The following CTTNBP2NL variants were observed in gnomAD, a reference collection of about 807,000 sequenced individuals.
CTTNBP2NL encodes the protein CTTNBP2 N-terminal like.
CTTNBP2NL carries 16 observed loss-of-function variants against 32.5 expected under a neutral mutation model. That is an observed-to-expected ratio of 0.49 (90% confidence interval 0.33 to 0.75). CTTNBP2NL has a LOEUF of 0.75. Ranked by LOEUF, CTTNBP2NL falls within the 30% of genes least tolerant of loss-of-function variation. CTTNBP2NL has a pLI of 0.02. For synonymous variants in CTTNBP2NL, 298 were observed against 289.4 expected, an observed-to-expected ratio of 1.03 and a Z score of -0.30; for missense variants, 645 against 756.0, an observed-to-expected ratio of 0.85 and a Z score of 1.72.
chr1:112,422,183 G>C (rs527489563), intron 3 of CTTNBP2NL, among the ~76,000 whole-genome samples: 1 of 152,142 alleles, frequency 6.6e-6, no homozygotes, highest in South Asian at 2.1e-4. Context: ...TCTGCTTTCT[G>C]TCATCAGAAA....
At chr1:112,436,654 C>G (rs1478390902) in intron 3 of CTTNBP2NL, among the ~76,000 whole-genome samples, 5 of 30,446 alleles carry the variant, frequency 1.6e-4, no homozygotes, top group Non-Finnish European at 2.6e-4. Flanking sequence ...CCCTTTAGTA[C>G]ACTTTTTTTT....
chr1:112,399,479 G>A (rs193122825), intron 1 of CTTNBP2NL, among the ~76,000 whole-genome samples: 5 of 152,316 alleles, frequency 3.3e-5, no homozygotes, highest in Non-Finnish European at 5.9e-5. Context: ...GTCCCTAAGT[G>A]TAATTATACA....
In CTTNBP2NL at chr1:112,397,429, C is replaced by G. The variant is rs150695943; in HGVS notation, c.-134+1157C>G. Among the ~76,000 whole-genome samples, 949 of 152,180 alleles carry G rather than the reference C, an allele frequency of 6.2e-3. 8 individuals are homozygous for G. Among genetic ancestry groups the G allele is most frequent in the African/African-American group, 0.021 (891 of 41,492 alleles). On this transcript the variant is annotated intron_variant, in intron 1 of 5. Coordinates refer to ENST00000271277, the MANE Select transcript of CTTNBP2NL (RefSeq NM_018704.3). Reference sequence around the variant, plus strand: ...TCTCTAACCCCTTTTTTATAGTGTCCTCCCCGCCCCCAGGAAACATTCATG... The same window carrying G: ...TCTCTAACCCCTTTTTTATAGTGTCGTCCCCGCCCCCAGGAAACATTCATG...
At chr1:112,430,546 CTTTTTTTTTTTTTTT>C (rs552996822) in intron 3 of CTTNBP2NL, among the ~76,000 whole-genome samples, 1 of 80,508 alleles carries the variant, frequency 1.2e-5, no homozygotes, top group Non-Finnish European at 2.2e-5. Context: ...CCATAGCTAG[CTTTTTTTTTTTTTTT>C]TTTTTTTTTG....
intron 3 of CTTNBP2NL, among the ~76,000 whole-genome samples, chr1:112,428,113 A>G (rs1649458002): frequency 6.7e-6 from 1 of 149,576 alleles, no homozygotes; most frequent in Admixed American, 6.6e-5. Flanking sequence ...TCACACACAT[A>G]CACACACATA....
chr1:112,421,631 AGG>A (rs1190846633), intron 3 of CTTNBP2NL, among the ~76,000 whole-genome samples: 1 of 149,686 alleles, frequency 6.7e-6, no homozygotes, highest in Admixed American at 6.6e-5. Context: ...AAAAAAAAAA[AGG>A]AGAAGAAGAA....
At chr1:112,435,587 C>G (rs1350043052) in intron 3 of CTTNBP2NL, among the ~76,000 whole-genome samples, 1 of 152,154 alleles carries the variant, frequency 6.6e-6, no homozygotes, top group East Asian at 1.9e-4. Context: ...AATTTCCATT[C>G]AGTGACATTA....
intron 1 of CTTNBP2NL, among the ~76,000 whole-genome samples, chr1:112,411,512 A>G (rs1037811614): frequency 4.6e-5 from 7 of 152,138 alleles, no homozygotes; most frequent in African/African-American, 1.7e-4. Flanking sequence ...CAATTTGTCT[A>G]CAAGTGGTTT....
At chr1:112,435,713 T>C (rs1179634163) in intron 3 of CTTNBP2NL, among the ~76,000 whole-genome samples, 1 of 152,228 alleles carries the variant, frequency 6.6e-6, no homozygotes, top group Non-Finnish European at 1.5e-5. Context: ...ATATGTACTT[T>C]TGCTCACTAT....
rs527582358 is a variant in CTTNBP2NL, at chr1:112,399,791, G to A, written c.-134+3519G>A. Among the ~76,000 whole-genome samples, 155 of 152,214 alleles carry A rather than the reference G, an allele frequency of 1.0e-3. 1 individual carries two copies. In the South Asian group the frequency reaches 0.032, roughly 31 times the overall value. On this transcript the variant is annotated intron_variant, in intron 1 of 5. Coordinates refer to ENST00000271277, the MANE Select transcript of CTTNBP2NL (RefSeq NM_018704.3). ...TTTTAAAATTTCTGAATATTTGGCC[G>A]AGCATGGTGGCTCACACCTGTAATC...
chr1:112,402,488 G>T (rs879561080), intron 1 of CTTNBP2NL, among the ~76,000 whole-genome samples: 12 of 152,120 alleles, frequency 7.9e-5, no homozygotes, highest in Non-Finnish European at 1.6e-4. Context: ...GTTTTAACAC[G>T]AGATAAGAAT....
intron 3 of CTTNBP2NL, among the ~76,000 whole-genome samples, chr1:112,424,796 G>A (rs1296322905): frequency 3.3e-5 from 5 of 151,842 alleles, no homozygotes; most frequent in East Asian, 3.9e-4. Context: ...GTGGTATTGG[G>A]TTTTGTTGTT....
rs114553333 is a variant in CTTNBP2NL, at chr1:112,438,789, C to G, written c.100-10153C>G. ...TTGCAGTGGTCACCTTTAGCATGCA[C>G]AATTTCACCATATATTTGTGCCTTA... On this transcript the variant is annotated intron_variant, in intron 3 of 5. Coordinates refer to ENST00000271277, the MANE Select transcript of CTTNBP2NL (RefSeq NM_018704.3). Among the ~76,000 whole-genome samples the G allele has an allele frequency of 2.3e-3, 344 of 152,222 alleles. 2 individuals are homozygous for G. The highest frequency in any genetic ancestry group is 7.8e-3 in the African/African-American group (324 of 41,550).
chr1:112,422,627 C>G (rs917279523), intron 3 of CTTNBP2NL, among the ~76,000 whole-genome samples: 12 of 152,168 alleles, frequency 7.9e-5, no homozygotes, highest in African/African-American at 2.4e-5. Context: ...TGCTGCACAT[C>G]CTCACCAAAC....
intron 3 of CTTNBP2NL, among the ~76,000 whole-genome samples, chr1:112,423,370 C>T (rs1352998229): frequency 1.3e-5 from 2 of 152,070 alleles, no homozygotes; most frequent in East Asian, 3.8e-4. Context: ...AATGTTCTCA[C>T]TACACAAAAA....
intron 3 of CTTNBP2NL, among the ~76,000 whole-genome samples, chr1:112,441,919 G>A (rs1345391963): frequency 2.6e-5 from 4 of 151,772 alleles, no homozygotes; most frequent in Non-Finnish European, 5.9e-5. Flanking sequence ...AGAAATGTAC[G>A]GTCTCCCGAA....
chr1:112,394,043 TA>T (rs1360337432), upstream of CTTNBP2NL, among the ~76,000 whole-genome samples: 2 of 151,834 alleles, frequency 1.3e-5, no homozygotes, highest in Non-Finnish European at 2.9e-5. Flanking sequence ...CCATCTCTAC[TA>T]AAAATATAAA....
At chr1:112,412,436 C>T (rs1648899912) in intron 2 of CTTNBP2NL, 119 bp downstream of exon 2, 1 of 152,024 alleles carries the variant, frequency 6.6e-6, no homozygotes, top group African/African-American at 2.4e-5. Context: ...ATTGAGATTA[C>T]ATTCAAATGC....
chr1:112,422,518 G>A (rs1407582702), intron 3 of CTTNBP2NL, among the ~76,000 whole-genome samples: 1 of 152,184 alleles, frequency 6.6e-6, no homozygotes, highest in Non-Finnish European at 1.5e-5. Flanking sequence ...GAAATTGAAT[G>A]GCTATATCAT....
Sources: allele counts gnomAD v4.1 joint callset (sites outside exome capture counted in the v4.1 genomes callset), GRCh38; gene constraint gnomAD v4.1.1; transcripts MANE v1.5; gene names NCBI Gene and HGNC (gene_info 2026-07-23, HGNC 2026-07-21).